The following SIAE variants were observed in gnomAD, a reference collection of about 807,000 sequenced individuals.
SIAE encodes the protein sialic acid acetylesterase.
A neutral mutation model predicts 52.6 loss-of-function variants in SIAE; 39 were observed. The observed-to-expected ratio is 0.74, with a 90% confidence interval of 0.57 to 0.97. The LOEUF is 0.97. Among genes scored for constraint, SIAE ranks in the 50% least tolerant of loss-of-function variants. The pLI, the probability that SIAE is intolerant of heterozygous loss-of-function variation, is 0.00. For missense variants in SIAE, 592 were observed against 662.1 expected, an observed-to-expected ratio of 0.89 and a Z score of 1.16; for synonymous variants, 233 against 241.4, an observed-to-expected ratio of 0.97 and a Z score of 0.32.
chr11:124,644,652 G>A (rs528530369), intron 7 of SIAE, among the ~76,000 whole-genome samples: 1 of 152,160 alleles, frequency 6.6e-6, no homozygotes, highest in South Asian at 2.1e-4. Flanking sequence ...AGAATATAAA[G>A]CTGGCCACGC....
chr11:124,673,524 C>T, intron 1 of SIAE, 118 bp downstream of exon 1: 1 of 1,242,192 alleles, frequency 8.1e-7, no homozygotes, highest in Non-Finnish European at 1.1e-6. Context: ...CCTAGCCTAG[C>T]TAGGTTCCTT....
chr11:124,654,652 T>C lies in SIAE; in HGVS notation c.544+3A>G. The C allele has an allele frequency of 6.2e-7, 1 of 1,614,160 alleles. No homozygotes were observed. The highest frequency in any genetic ancestry group is 2.2e-5 in the East Asian group (1 of 44,892). ...GAGACAGCACGTTCAAGCCGTCACA[T>C]ACCTGAGGTGGGCTTAGACCACTGC... On this transcript the variant is annotated splice_donor_region_variant and intron_variant, in intron 4 of 9. Coordinates refer to ENST00000263593, the MANE Select transcript of SIAE (RefSeq NM_170601.5).
intron 5 of SIAE, among the ~76,000 whole-genome samples, chr11:124,649,145 A>G (rs888738679): frequency 2.0e-5 from 3 of 152,064 alleles, no homozygotes; most frequent in African/African-American, 7.2e-5. Flanking sequence ...TGGATTGTTT[A>G]TTCTTCTAGG....
intron 2 of SIAE, among the ~76,000 whole-genome samples, chr11:124,664,530 G>A (rs1276204381): frequency 6.6e-6 from 1 of 152,028 alleles, no homozygotes; most frequent in African/African-American, 2.4e-5. Context: ...TACCGCATCC[G>A]GCCTCTAGTG....
chr11:124,642,506 A>G (rs1942865393), intron 7 of SIAE, among the ~76,000 whole-genome samples: 2 of 152,212 alleles, frequency 1.3e-5, no homozygotes, highest in African/African-American at 4.8e-5. Flanking sequence ...ACTGGAGAAA[A>G]ATATAATAGG....
At chr11:124,656,153 C>A (rs1000178570) in intron 3 of SIAE, among the ~76,000 whole-genome samples, 3 of 152,132 alleles carry the variant, frequency 2.0e-5, no homozygotes, top group Non-Finnish European at 2.9e-5. Flanking sequence ...AAAAAAAATC[C>A]AAAATCTGAA....
chr11:124,638,570 A>C lies in SIAE; in HGVS notation c.1292T>G (p.Val431Gly). ...LNLTYYQQIQ[V>G]QKKDNKIFEI... The stretch of plus-strand genomic sequence containing the variant: ...AAATATCTTGTTGTCCTTTTTCTGC[A>C]CCTGGATTTGCTGGTAATATGTGAG... The change falls in exon 9 of 10, where the codon GTG becomes GGG. Residue 431 changes from valine to glycine, a missense_variant. Transcript: ENST00000263593. 2 of 1,614,124 alleles carry C rather than the reference A, an allele frequency of 1.2e-6. No individual in the cohort carries two copies. Among genetic ancestry groups the C allele is most frequent in the South Asian group, 2.2e-5 (2 of 91,082 alleles).
intron 3 of SIAE, among the ~76,000 whole-genome samples, chr11:124,655,498 G>C (rs1943085754): frequency 6.6e-6 from 1 of 152,100 alleles, no homozygotes. Context: ...TTAAAATGGT[G>C]CTTAGGATAT....
intron 7 of SIAE, 47 bp from the exon 8 acceptor site, chr11:124,639,914 C>G: frequency 6.2e-7 from 1 of 1,606,166 alleles, no homozygotes; most frequent in Non-Finnish European, 8.5e-7. Flanking sequence ...GAATCCCACA[C>G]TGGAGTCTTT....
At chr11:124,667,547 A>T (rs1943290084) in intron 2 of SIAE, among the ~76,000 whole-genome samples, 1 of 152,216 alleles carries the variant, frequency 6.6e-6, no homozygotes, top group African/African-American at 2.4e-5. Flanking sequence ...TTGTATACTG[A>T]TAAAACCAAC....
chr11:124,669,260 A>G (rs1943315029), intron 2 of SIAE, 100 bp downstream of exon 2: 2 of 1,419,918 alleles, frequency 1.4e-6, no homozygotes, highest in East Asian at 4.6e-5. Context: ...GGATGTAGGG[A>G]CGGATGGATA....
chr11:124,667,795 C>T (rs1002485325), intron 2 of SIAE, among the ~76,000 whole-genome samples: 1 of 152,112 alleles, frequency 6.6e-6, no homozygotes, highest in Non-Finnish European at 1.5e-5. Flanking sequence ...TCCTCCACAC[C>T]GGCTTCTATA....
In SIAE at chr11:124,638,724, C is replaced by T; in HGVS notation, c.1138G>A (p.Asp380Asn). The T allele has an allele frequency of 6.2e-7, 1 of 1,613,972 alleles. No individual in the cohort carries two copies. Among genetic ancestry groups the T allele is most frequent in the Non-Finnish European group, 8.5e-7 (1 of 1,179,982 alleles). Residue 380 changes from aspartate to asparagine, a missense_variant, in exon 9 of 10, where the codon GAT becomes AAT. By Grantham distance (23) the Asp-to-Asn change is conservative. Coordinates refer to ENST00000263593, the MANE Select transcript of SIAE (RefSeq NM_170601.5). ...AGCCGATAAGCCACAGTCTGTTTAT[C>T]TCGAGGGTGGATGCTACAGGATAAG... ...DSPFGSIHPR[D>N]KQTVAYRLHL...
intron 3 of SIAE, among the ~76,000 whole-genome samples, chr11:124,657,928 T>A (rs970174021): frequency 6.6e-6 from 1 of 152,224 alleles, no homozygotes; most frequent in Non-Finnish European, 1.5e-5. Flanking sequence ...CCTTACTCCA[T>A]CTGCTGAGAT....
Position 124,645,908 on chromosome 11 carries a change from G to A in SIAE, c.966+1457C>T, listed in dbSNP as rs1305957018. Among the ~76,000 whole-genome samples, 1 of 152,210 alleles carries A rather than the reference G, an allele frequency of 6.6e-6. No individual in the cohort carries two copies. Among genetic ancestry groups the A allele is most frequent in the Non-Finnish European group, 1.5e-5 (1 of 68,034 alleles). The stretch of plus-strand genomic sequence containing the variant: ...AGAAGGTCTATACAAATATTCAAAA[G>A]AAGGTACAGTGAAAAGGACAAGGTA... On this transcript the variant is annotated intron_variant, in intron 7 of 9. Coordinates refer to ENST00000263593, the MANE Select transcript of SIAE (RefSeq NM_170601.5). This position sits in a 1 kb window ranked among gnomAD's most constrained non-coding sequence, Gnocchi z 4.7.
intron 7 of SIAE, among the ~76,000 whole-genome samples, chr11:124,644,436 T>C (rs1168947123): frequency 6.6e-6 from 1 of 151,666 alleles, no homozygotes; most frequent in Non-Finnish European, 1.5e-5. Flanking sequence ...GGGAATTTTC[T>C]CAAAATGGCA....
chr11:124,666,606 A>G (rs1296007780), intron 2 of SIAE, among the ~76,000 whole-genome samples: 4 of 152,244 alleles, frequency 2.6e-5, no homozygotes, highest in African/African-American at 9.7e-5. Flanking sequence ...AGTATCCATG[A>G]ATCACTCAAT....
intron 2 of SIAE, among the ~76,000 whole-genome samples, chr11:124,668,118 T>C (rs1418819748): frequency 6.6e-6 from 1 of 152,182 alleles, no homozygotes; most frequent in African/African-American, 2.4e-5. Flanking sequence ...CTTTCCAACC[T>C]ATCTCCTGTC....
At chr11:124,672,304 T>C (rs1275314932) in intron 1 of SIAE, among the ~76,000 whole-genome samples, 1 of 152,186 alleles carries the variant, frequency 6.6e-6, no homozygotes, top group Middle Eastern at 3.2e-3. Flanking sequence ...TTGCCTCTGG[T>C]GAGGAGCTCC....
Sources: allele counts gnomAD v4.1 joint callset (sites outside exome capture counted in the v4.1 genomes callset), GRCh38; gene constraint gnomAD v4.1.1; non-coding constraint Gnocchi (gnomAD v3.1); transcripts MANE v1.5; gene names NCBI Gene and HGNC (gene_info 2026-07-23, HGNC 2026-07-21).